The following SAMMSON variants were observed in gnomAD, a reference collection of about 807,000 sequenced individuals.
SAMMSON encodes the protein survival associated mitochondrial melanoma specific oncogenic non-coding RNA, also known as long intergenic non-protein coding RNA 1212.
At chr3:70,200,177 T>TCAG (rs1576152492) in intron 4 of SAMMSON, among the ~76,000 whole-genome samples, 1 of 152,178 alleles carries the variant, frequency 6.6e-6, no homozygotes, top group African/African-American at 2.4e-5. Flanking sequence ...CTGGCCACCA[T>TCAG]CAGCCACCAG....
At chr3:70,132,862 A>G (rs2067488317) in intron 4 of SAMMSON, among the ~76,000 whole-genome samples, 1 of 152,076 alleles carries the variant, frequency 6.6e-6, no homozygotes, top group Admixed American at 6.6e-5. Context: ...AAGTTTCTTT[A>G]AAGATGAGCT....
chr3:70,250,760 G>C (rs1701757607), intron 6 of SAMMSON, among the ~76,000 whole-genome samples: 1 of 152,122 alleles, frequency 6.6e-6, no homozygotes, highest in African/African-American at 2.4e-5. Flanking sequence ...TTGGGACTAA[G>C]AAAATATTGT....
intron 6 of SAMMSON, among the ~76,000 whole-genome samples, chr3:70,284,620 A>T (rs1192465329): frequency 6.6e-6 from 1 of 152,174 alleles, no homozygotes; most frequent in Non-Finnish European, 1.5e-5. Flanking sequence ...GCCAGAGGAC[A>T]TCTTCCTTAG....
intron 9 of SAMMSON, among the ~76,000 whole-genome samples, chr3:70,374,415 A>G (rs1163003966): frequency 6.6e-6 from 1 of 152,152 alleles, no homozygotes; most frequent in Non-Finnish European, 1.5e-5. Context: ...CTATTTTCTC[A>G]TGACAGCCTT....
At chr3:69,999,755 A>T (rs1051616885), upstream of SAMMSON, 70 of 152,456 alleles carry the variant, frequency 4.6e-4, no homozygotes, top group African/African-American at 1.5e-3. Flanking sequence ...TGAAGTCGCT[A>T]GACATTTGAG....
chr3:70,142,425 G>A (rs1408620690), intron 4 of SAMMSON, among the ~76,000 whole-genome samples: 1 of 152,116 alleles, frequency 6.6e-6, no homozygotes, highest in Non-Finnish European at 1.5e-5. Context: ...TCTAAGTGAA[G>A]TAACTCAGGA....
At chr3:70,280,065 C>A (rs1702065556) in intron 6 of SAMMSON, among the ~76,000 whole-genome samples, 1 of 152,170 alleles carries the variant, frequency 6.6e-6, no homozygotes, top group African/African-American at 2.4e-5. Context: ...AAGGTGTCAG[C>A]AAGGCTGCAC....
intron 4 of SAMMSON, among the ~76,000 whole-genome samples, chr3:70,207,775 G>C (rs1369035575): frequency 6.6e-6 from 1 of 151,988 alleles, no homozygotes; most frequent in African/African-American, 2.4e-5. Flanking sequence ...ATATGCATAG[G>C]TTATATGCAA....
intron 7 of SAMMSON, among the ~76,000 whole-genome samples, chr3:70,334,797 C>G (rs1057179203): frequency 6.6e-6 from 1 of 152,068 alleles, no homozygotes; most frequent in Non-Finnish European, 1.5e-5. Flanking sequence ...GATGTTTAAA[C>G]CTTAACTACT....
intron 4 of SAMMSON, chr3:70,184,186 G>C (rs1701074834): frequency 6.6e-6 from 1 of 152,172 alleles, no homozygotes; most frequent in Non-Finnish European, 1.5e-5. Flanking sequence ...AATAAATGCT[G>C]AAACCAGTGT....
At chr3:70,131,617 C>T (rs765003554) in intron 4 of SAMMSON, among the ~76,000 whole-genome samples, 29 of 152,248 alleles carry the variant, frequency 1.9e-4, no homozygotes, top group Admixed American at 3.3e-4. Context: ...TAGAGGGTTT[C>T]GCTTTGCTGC....
intron 7 of SAMMSON, among the ~76,000 whole-genome samples, chr3:70,333,783 C>T (rs1702642543): frequency 6.6e-6 from 1 of 152,294 alleles, no homozygotes; most frequent in East Asian, 1.9e-4. Flanking sequence ...TAACAGTTTT[C>T]GGTTTCCATA....
intron 4 of SAMMSON, among the ~76,000 whole-genome samples, chr3:70,146,755 G>C (rs1050306182): frequency 6.6e-6 from 1 of 151,918 alleles, no homozygotes; most frequent in East Asian, 1.9e-4. Flanking sequence ...TAAGACAGGG[G>C]ACAAAGCAAA....
intron 4 of SAMMSON, among the ~76,000 whole-genome samples, chr3:70,233,591 A>G (rs1179126431): frequency 6.6e-6 from 1 of 152,176 alleles, no homozygotes; most frequent in African/African-American, 2.4e-5. Flanking sequence ...AATCAAAACA[A>G]CAAACATTTC....
chr3:70,078,502 G>C (rs890198215), intron 4 of SAMMSON, among the ~76,000 whole-genome samples: 2 of 152,120 alleles, frequency 1.3e-5, no homozygotes, highest in African/African-American at 4.8e-5. Flanking sequence ...GCAGCCTTCA[G>C]ATTCCCCACA....
chr3:70,104,273 T>C (rs2067358324), intron 4 of SAMMSON, among the ~76,000 whole-genome samples: 1 of 152,094 alleles, frequency 6.6e-6, no homozygotes, highest in Non-Finnish European at 1.5e-5. Flanking sequence ...GTGTTTTTTT[T>C]TTTCCTACGC....
intron 7 of SAMMSON, among the ~76,000 whole-genome samples, chr3:70,320,675 G>A (rs1462913267): frequency 6.6e-6 from 1 of 151,984 alleles, no homozygotes; most frequent in Non-Finnish European, 1.5e-5. Flanking sequence ...AGCACCACCA[G>A]GCCACCATGT....
At chr3:70,245,463 C>T (rs1305792669) in intron 4 of SAMMSON, among the ~76,000 whole-genome samples, 1 of 151,328 alleles carries the variant, frequency 6.6e-6, no homozygotes, top group African/African-American at 2.4e-5. Flanking sequence ...TAAGAAATAG[C>T]ATATGGTCGA....
At chr3:70,285,365 T>C (rs1179681822) in intron 6 of SAMMSON, among the ~76,000 whole-genome samples, 2 of 152,036 alleles carry the variant, frequency 1.3e-5, no homozygotes, top group African/African-American at 4.8e-5. Flanking sequence ...ATTTCATCCA[T>C]GTCCCTACAA....
Sources: allele counts gnomAD v4.1 joint callset (sites outside exome capture counted in the v4.1 genomes callset), GRCh38; gene constraint gnomAD v4.1.1; transcripts MANE v1.5; gene names NCBI Gene and HGNC (gene_info 2026-07-23, HGNC 2026-07-21).